MACROD2: variants seen among roughly 807,000 people sequenced by gnomAD.
The protein encoded by MACROD2 is mono-ADP ribosylhydrolase 2.
MACROD2 carries 36 observed loss-of-function variants against 70.4 expected under a neutral mutation model. That is an observed-to-expected ratio of 0.51 (90% CI 0.39 to 0.68). MACROD2 has a LOEUF of 0.68. MACROD2 is among the 30% of genes least tolerant of loss of function. MACROD2 has a pLI of 0.00. For missense variants in MACROD2, 496 were observed against 538.4 expected (o/e 0.92, Z 0.78); for synonymous variants, 172 against 178.8 (o/e 0.96, Z 0.30).
intron 6 of MACROD2, among the ~76,000 whole-genome samples, chr20:15,280,355 G>A (rs556832071): frequency 2.0e-5 from 3 of 152,176 alleles, no homozygotes; most frequent in African/African-American, 7.2e-5. Flanking sequence ...AAATGTTGGG[G>A]TAATAGTCAC....
At position 14,625,123 on chromosome 20, in the gene MACROD2, A is replaced by C. The variant is rs529723631; in HGVS notation, c.302-59720A>C. Reference sequence around the variant, plus strand: ...GGTGGGTGGATCCCCTGAGGTCAGGAGTTTGAGACCAGCCTGACCAACATG... The same window carrying C: ...GGTGGGTGGATCCCCTGAGGTCAGGCGTTTGAGACCAGCCTGACCAACATG... On this transcript the variant is annotated intron_variant, in intron 4 of 17. Transcript: ENST00000684519. Among the ~76,000 whole-genome samples the C allele has an allele frequency of 5.9e-5, 9 of 152,098 alleles. No individual in the cohort carries two copies. In the East Asian group the frequency reaches 1.4e-3, roughly 23 times the overall value.
intron 5 of MACROD2, among the ~76,000 whole-genome samples, chr20:14,936,555 T>G (rs1030642289): frequency 5.9e-5 from 9 of 152,054 alleles, no homozygotes; most frequent in African/African-American, 1.9e-4. Flanking sequence ...TACTAGTAAA[T>G]CTTTGTAGCT....
At chr20:14,275,787 A>G (rs1601425503) in intron 3 of MACROD2, among the ~76,000 whole-genome samples, 1 of 152,108 alleles carries the variant, frequency 6.6e-6, no homozygotes, top group East Asian at 1.9e-4. Flanking sequence ...ATTTACAAGA[A>G]AAAAACAACC....
rs566746100 is a variant in MACROD2 at position 14,865,346 on chromosome 20, T to C, written c.418+180387T>C. 3.0e-4 allele frequency among the ~76,000 whole-genome samples: 45 copies of C among 152,164 alleles called. 1 individual carries two copies. The highest frequency in any genetic ancestry group is 4.2e-4 in the South Asian group (2 of 4,806). On this transcript the variant is annotated intron_variant, in intron 5 of 17. Transcript: ENST00000684519. ...ACCTCTTCTGTGTGCCCTTTGTGGT[T>C]TCCTGCCTTTGGTAATCCCTAGGTT...
At chr20:15,434,462 C>T (rs1002424338) in intron 7 of MACROD2, among the ~76,000 whole-genome samples, 10 of 152,076 alleles carry the variant, frequency 6.6e-5, no homozygotes, top group African/African-American at 7.2e-5. Flanking sequence ...GTTAAAACCA[C>T]GATGAGATAC....
In MACROD2 at chr20:15,716,356, T is replaced by C. The variant is rs191413156; in HGVS notation, c.646-146389T>C. On this transcript the variant is annotated intron_variant, in intron 8 of 17. Transcript: ENST00000684519. ...GGATTTTTAAGCCAGTGTAAGGTGT[T>C]TAAGACATGGTCGATTCTAGATATG... 5.6e-3 allele frequency among the ~76,000 whole-genome samples: 856 copies of C among 152,306 alleles called. 4 individuals carry two copies. Among genetic ancestry groups the C allele is most frequent in the African/African-American group, 0.02 (819 of 41,578 alleles).
At chr20:14,995,138 CAAAA>C (rs1193996599) in intron 5 of MACROD2, among the ~76,000 whole-genome samples, 1 of 151,828 alleles carries the variant, frequency 6.6e-6, no homozygotes, top group Non-Finnish European at 1.5e-5. Flanking sequence ...ACTGTGTACA[CAAAA>C]TGCATTTGAT....
At chr20:15,858,906 T>C (rs2147158424) in intron 8 of MACROD2, among the ~76,000 whole-genome samples, 1 of 152,278 alleles carries the variant, frequency 6.6e-6, no homozygotes, top group Non-Finnish European at 1.5e-5. Flanking sequence ...CCTTGAACAA[T>C]GTGAGGGTGA....
chr20:15,548,391 TTTTTG>T (rs1048362591), intron 8 of MACROD2, among the ~76,000 whole-genome samples: 9 of 152,146 alleles, frequency 5.9e-5, no homozygotes, highest in East Asian at 3.9e-4. Flanking sequence ...GATGTGCTTT[TTTTTG>T]TTTTGTTTTG....
intron 5 of MACROD2, among the ~76,000 whole-genome samples, chr20:15,225,692 T>G (rs900669876): frequency 6.6e-6 from 1 of 152,348 alleles, no homozygotes; most frequent in Non-Finnish European, 1.5e-5. Context: ...CATGAAGGCC[T>G]TCTTTGTCTA....
chr20:15,339,085 T>G (rs2146203796), intron 6 of MACROD2, among the ~76,000 whole-genome samples: 1 of 151,876 alleles, frequency 6.6e-6, no homozygotes, highest in South Asian at 2.1e-4. Context: ...AATTTTGAGT[T>G]AAAGAATATT....
chr20:14,093,654 A>G (rs1340026917), intron 3 of MACROD2, among the ~76,000 whole-genome samples: 1 of 140,896 alleles, frequency 7.1e-6, no homozygotes, highest in Non-Finnish European at 1.5e-5. Flanking sequence ...GAGGAGTAAG[A>G]AACACTCATT....
chr20:14,176,226 G>A (rs1386811627), intron 3 of MACROD2, among the ~76,000 whole-genome samples: 1 of 152,116 alleles, frequency 6.6e-6, no homozygotes, highest in Non-Finnish European at 1.5e-5. Context: ...GATTGCCTGT[G>A]GTGACAGAAG....
intron 8 of MACROD2, among the ~76,000 whole-genome samples, chr20:15,733,873 GA>G (rs1464987757): frequency 2.6e-5 from 4 of 152,198 alleles, no homozygotes; most frequent in Non-Finnish European, 2.9e-5. Flanking sequence ...GCCAGAGATA[GA>G]AAGACCCCTC....
chr20:15,946,545 A>G (rs1210681966), intron 12 of MACROD2, among the ~76,000 whole-genome samples: 2 of 152,162 alleles, frequency 1.3e-5, no homozygotes, highest in Non-Finnish European at 2.9e-5. Context: ...TAAACCTTAA[A>G]TGTTATCATG....
chr20:14,365,947 A>G (rs1169621488), intron 3 of MACROD2, among the ~76,000 whole-genome samples: 1 of 152,024 alleles, frequency 6.6e-6, no homozygotes, highest in Non-Finnish European at 1.5e-5. Context: ...AGCTTCATTT[A>G]TTGTGGTTGA....
At chr20:14,229,277 C>G (rs535963557) in intron 3 of MACROD2, among the ~76,000 whole-genome samples, 10 of 152,120 alleles carry the variant, frequency 6.6e-5, no homozygotes, top group Non-Finnish European at 1.0e-4. Flanking sequence ...GTTAAGAGAA[C>G]GAAAAGACAA....
At chr20:15,416,913 AG>A (rs1391262871) in intron 6 of MACROD2, among the ~76,000 whole-genome samples, 2 of 151,698 alleles carry the variant, frequency 1.3e-5, no homozygotes, top group African/African-American at 2.4e-5. Flanking sequence ...AAAAAAAAAA[AG>A]AAGTGGCTGT....
rs541431914 is a variant in MACROD2, at chr20:14,258,322, C to G, written c.271+172594C>G. 7.3e-4 allele frequency among the ~76,000 whole-genome samples: 111 copies of G among 152,176 alleles called. No homozygotes were observed. In the South Asian group the frequency reaches 8.1e-3, roughly 11 times the overall value. On this transcript the variant is annotated intron_variant, in intron 3 of 17. Transcript: ENST00000684519. The stretch of plus-strand genomic sequence containing the variant: ...TTAAAGAATCTCCATACTGGTTGTA[C>G]TAGTTTACATTCCCACCAGTAGTGT...
Sources: gnomAD v4.1 joint callset for allele counts (sites outside exome capture counted in the v4.1 genomes callset) on GRCh38, gnomAD v4.1.1 for gene constraint, MANE v1.5 for transcripts, NCBI Gene and HGNC (gene_info 2026-07-23, HGNC 2026-07-21) for gene names.